Variants in TBL1X observed in about 807,000 individuals in gnomAD.
TBL1X encodes the protein transducin beta like 1 X-linked, also known as F-box-like/WD repeat-containing protein TBL1X.
Under a neutral mutation model 50.7 loss-of-function variants are expected in TBL1X, and 10 were observed. That is an observed-to-expected ratio of 0.20 (90% CI 0.12 to 0.33). TBL1X has a LOEUF of 0.33. Ranked by LOEUF, TBL1X falls within the 10% of genes least tolerant of loss-of-function variation. The pLI, the probability that TBL1X is intolerant of heterozygous loss-of-function variation, is 1.00. For missense variants in TBL1X, 340 were observed against 504.4 expected, an observed-to-expected ratio of 0.67 and a Z score of 3.12; for synonymous variants, 190 against 214.7, an observed-to-expected ratio of 0.88 and a Z score of 1.01.
At chrX:9,619,071 T>C (rs1049374983) in intron 2 of TBL1X, among the ~76,000 whole-genome samples, 2 of 112,210 alleles carry the variant, frequency 1.8e-5, no homozygotes, top group Non-Finnish European at 3.8e-5. Context: ...GACTCTAGAA[T>C]ATGAATGATC....
intron 1 of TBL1X, among the ~76,000 whole-genome samples, chrX:9,479,507 A>T (rs757091953): frequency 8.9e-6 from 1 of 112,793 alleles, no homozygotes; most frequent in East Asian, 2.8e-4. Context: ...TGTCAGAAAA[A>T]TGGAAACTTT....
Position 9,709,617 on chromosome X carries a change from C to T in TBL1X, c.1312-16C>T, listed in dbSNP as rs1569107084. The T allele has an allele frequency of 8.3e-7, 1 of 1,208,173 alleles. No homozygotes were observed. Among genetic ancestry groups the T allele is most frequent in the Admixed American group, 2.2e-5 (1 of 45,727 alleles). On this transcript the variant is annotated splice_polypyrimidine_tract_variant and intron_variant, in intron 14 of 17. Coordinates refer to ENST00000645353, the MANE Select transcript of TBL1X (RefSeq NM_005647.4). The stretch of plus-strand genomic sequence containing the variant: ...GGAATGGCTTTTGCTCATGTTGTGT[C>T]TGGTGTGTTCTGTAGATCTGGAGCA...
intron 2 of TBL1X, among the ~76,000 whole-genome samples, chrX:9,624,861 T>A (rs974337226): frequency 2.7e-5 from 3 of 112,242 alleles, no homozygotes; most frequent in East Asian, 2.8e-4. Flanking sequence ...CAAAAAAAAA[T>A]TTAAGAATTT....
chrX:9,593,408 T>TAAG (rs757634940), intron 2 of TBL1X, among the ~76,000 whole-genome samples: 1 of 90,730 alleles, frequency 1.1e-5, no homozygotes. Context: ...ATCTTAAAAA[T>TAAG]AATAATAATA....
At chrX:9,569,818 C>G (rs1480532838) in intron 2 of TBL1X, among the ~76,000 whole-genome samples, 1 of 112,492 alleles carries the variant, frequency 8.9e-6, no homozygotes, top group Non-Finnish European at 1.9e-5. Flanking sequence ...AAGGCTTTCC[C>G]ATTAGGATAA....
At chrX:9,549,851 G>C (rs2146989690) in intron 2 of TBL1X, among the ~76,000 whole-genome samples, 1 of 111,764 alleles carries the variant, frequency 8.9e-6, no homozygotes, top group African/African-American at 3.2e-5. Context: ...GAATGGTTCA[G>C]AGTCTGGACT....
intron 2 of TBL1X, among the ~76,000 whole-genome samples, chrX:9,581,465 G>A (rs1048530173): frequency 9.0e-6 from 1 of 111,390 alleles, no homozygotes; most frequent in African/African-American, 3.3e-5. Flanking sequence ...CTCACCAGTG[G>A]GGGGATTGGG....
Position 9,478,288 on chromosome X carries a change from C to T in TBL1X, c.-201+12841C>T, listed in dbSNP as rs957711334. ...CACAGGACCCCAGGGCACACACCCC[C>T]TTATGCTTCCCCTGTCTTTCATCTT... On this transcript the variant is annotated intron_variant, in intron 1 of 17. Transcript: ENST00000645353. 1.3e-4 allele frequency among the ~76,000 whole-genome samples: 14 copies of T among 111,109 alleles called. No homozygotes were observed. The South Asian group carries it at 1.9e-3, about 15-fold the overall frequency.
intron 2 of TBL1X, among the ~76,000 whole-genome samples, chrX:9,503,192 C>T (rs927147942): frequency 9.0e-6 from 1 of 111,557 alleles, no homozygotes; most frequent in East Asian, 2.8e-4. Flanking sequence ...TGTGGCGGCC[C>T]ACCTGAGAGT....
At chrX:9,516,953 T>A (rs1436423359) in intron 2 of TBL1X, among the ~76,000 whole-genome samples, 3 of 111,556 alleles carry the variant, frequency 2.7e-5, no homozygotes, top group Non-Finnish European at 5.6e-5. Context: ...GGGTTTTGGG[T>A]CCTGAGACTT....
chrX:9,500,298 C>CAAAAAAA (rs2081994130), intron 1 of TBL1X, among the ~76,000 whole-genome samples: 1 of 47,305 alleles, frequency 2.1e-5, no homozygotes. Flanking sequence ...AAAAAAAAAG[C>CAAAAAAA]AAGAAAAAAA....
chrX:9,601,342 C>T (rs1264866674), intron 2 of TBL1X, among the ~76,000 whole-genome samples: 1 of 110,801 alleles, frequency 9.0e-6, no homozygotes, highest in Non-Finnish European at 1.9e-5. Context: ...GGACACACTC[C>T]CTGGGCTAGG....
intron 2 of TBL1X, among the ~76,000 whole-genome samples, chrX:9,600,232 T>C (rs1358631641): frequency 5.4e-5 from 6 of 110,394 alleles, no homozygotes; most frequent in Non-Finnish European, 7.6e-5. Flanking sequence ...GACTGGGAAG[T>C]CCAGGATCAA....
At chrX:9,713,421 CTTTTCTTTTT>C (rs1365911762) in intron 16 of TBL1X, among the ~76,000 whole-genome samples, 1 of 87,570 alleles carries the variant, frequency 1.1e-5, no homozygotes, top group East Asian at 4.8e-4. Context: ...ATCCTTAGGA[CTTTTCTTTTT>C]TTTTTTTTTT....
chrX:9,709,131 G>T (rs1047972061), intron 13 of TBL1X, 117 bp from the exon 14 acceptor site: 1 of 672,472 alleles, frequency 1.5e-6, no homozygotes, highest in African/African-American at 2.2e-5. Flanking sequence ...TTTGATGTCA[G>T]GCTGAAGCCG....
In TBL1X at chrX:9,716,738, G is replaced by A. The variant is rs6638955; in HGVS notation, c.*492G>A. On this transcript the variant is annotated 3_prime_UTR_variant, in exon 18 of 18. Transcript: ENST00000645353. ...GGAGGTTCAAAGACCAGTTTGTACC[G>A]ATGAAACGCGCAACTTTGTAATCCC... The A allele has an allele frequency of 0.072, 7,989 of 111,117 alleles. 814 individuals carry two copies. Among genetic ancestry groups the A allele is most frequent in the East Asian group, 0.64 (2,205 of 3,456 alleles). 9.2% of individuals were successfully genotyped at this position (111,117 alleles called of 1,213,427 possible).
intron 2 of TBL1X, among the ~76,000 whole-genome samples, chrX:9,587,494 T>A (rs755331944): frequency 2.1e-3 from 235 of 111,891 alleles, no homozygotes; most frequent in Non-Finnish European, 3.5e-3. Context: ...GACATCAGTT[T>A]CCATTGATAA....
intron 2 of TBL1X, among the ~76,000 whole-genome samples, chrX:9,518,585 A>G (rs1268249903): frequency 8.9e-6 from 1 of 111,953 alleles, no homozygotes; most frequent in African/African-American, 3.2e-5. Flanking sequence ...GCTTTGTCCT[A>G]TAACAGCTGC....
chrX:9,610,150 C>A (rs1453852808), intron 2 of TBL1X, among the ~76,000 whole-genome samples: 1 of 112,068 alleles, frequency 8.9e-6, no homozygotes. Flanking sequence ...TACCAGGGCA[C>A]TTCTGTTGTT....
Sources: gnomAD v4.1 joint callset for allele counts (sites outside exome capture counted in the v4.1 genomes callset) on GRCh38, gnomAD v4.1.1 for gene constraint, MANE v1.5 for transcripts, NCBI Gene and HGNC (gene_info 2026-07-23, HGNC 2026-07-21) for gene names.